The following CCDC181 variants were observed in gnomAD, a reference collection of about 807,000 sequenced individuals.
CCDC181 encodes coiled-coil domain-containing protein 181.
CCDC181 carries 35 observed loss-of-function variants against 58.7 expected under a neutral mutation model. The ratio of observed to expected loss-of-function variants is 0.60; its 90% CI spans 0.46 to 0.79. The LOEUF (loss-of-function observed/expected upper bound fraction) is 0.79, where lower values mean the gene tolerates loss of function less well. Among genes scored for constraint, CCDC181 ranks in the 30% least tolerant of loss-of-function variants. CCDC181 has a pLI of 0.00. For synonymous variants in CCDC181, 183 were observed against 197.5 expected, an observed-to-expected ratio of 0.93 and a Z score of 0.62; for missense variants, 517 against 583.9, an observed-to-expected ratio of 0.89 and a Z score of 1.18.
At chr1:169,396,738 C>T (rs982570167) in intron 5 of CCDC181, among the ~76,000 whole-genome samples, 1 of 152,100 alleles carries the variant, frequency 6.6e-6, no homozygotes, top group Non-Finnish European at 1.5e-5. Flanking sequence ...TAAAAAATAT[C>T]AGGTTTGCCT....
At chr1:169,424,217 G>T (rs1201868669) in intron 2 of CCDC181, among the ~76,000 whole-genome samples, 1 of 151,878 alleles carries the variant, frequency 6.6e-6, no homozygotes, top group Non-Finnish European at 1.5e-5. Context: ...GCAGGAACTG[G>T]TTAATTTTCC....
chr1:169,459,448 T>G (rs958698014), intron 2 of CCDC181, among the ~76,000 whole-genome samples: 2 of 152,202 alleles, frequency 1.3e-5, no homozygotes, highest in Non-Finnish European at 2.9e-5. Context: ...CTGGAATCCC[T>G]TCATCATTAG....
intron 4 of CCDC181, among the ~76,000 whole-genome samples, chr1:169,415,253 T>A (rs1656162150): frequency 6.6e-6 from 1 of 152,248 alleles, no homozygotes; most frequent in Admixed American, 6.5e-5. Context: ...ATCAGCAGTA[T>A]GGCCATAGCT....
Position 169,404,960 on chromosome 1 carries a change from A to G in CCDC181, c.1216-7569T>C, listed in dbSNP as rs376180368. On this transcript the variant is annotated intron_variant, in intron 4 of 5. Transcript: ENST00000367806. ...TAAGCTGATAAGCAACTTCAGCAAA[A>G]TCTCAGGATACAAAATCAATGTACA... Among the ~76,000 whole-genome samples the G allele has an allele frequency of 7.8e-4, 119 of 152,258 alleles. 3 individuals carry two copies. The South Asian group carries it at 0.023, about 29-fold the overall frequency.
At chr1:169,400,946 A>G (rs1410371505) in intron 4 of CCDC181, among the ~76,000 whole-genome samples, 1 of 152,112 alleles carries the variant, frequency 6.6e-6, no homozygotes, top group Non-Finnish European at 1.5e-5. Context: ...GGACACTCCC[A>G]CCCCAATACT....
At chr1:169,434,248 C>T (rs1045512672) in intron 2 of CCDC181, among the ~76,000 whole-genome samples, 1 of 151,878 alleles carries the variant, frequency 6.6e-6, no homozygotes, top group African/African-American at 2.4e-5. Context: ...TATGAGATAC[C>T]ACCCTCATTA....
chr1:169,426,111 A>G (rs931316877), intron 1 of CCDC181, among the ~76,000 whole-genome samples: 2 of 152,174 alleles, frequency 1.3e-5, no homozygotes, highest in African/African-American at 4.8e-5. Flanking sequence ...AGTCACATCA[A>G]ATCTGAAGTG....
intron 2 of CCDC181, among the ~76,000 whole-genome samples, chr1:169,434,173 G>T (rs1472708156): frequency 1.3e-5 from 2 of 151,912 alleles, no homozygotes; most frequent in Admixed American, 6.6e-5. Context: ...TACATGAATT[G>T]CCAGGAAACA....
intron 5 of CCDC181, 52 bp downstream of exon 5, chr1:169,397,185 T>C: frequency 6.8e-7 from 1 of 1,460,050 alleles, no homozygotes; most frequent in Non-Finnish European, 9.1e-7. Flanking sequence ...ATATAACTTT[T>C]AAAATGAACA....
intron 4 of CCDC181, among the ~76,000 whole-genome samples, chr1:169,401,188 G>GGCCT (rs1238274934): frequency 2.0e-5 from 3 of 152,194 alleles, no homozygotes; most frequent in Admixed American, 6.5e-5. Context: ...AGCTCAAGGA[G>GGCCT]GCCTGCCTGC....
chr1:169,448,648 C>T (rs1264878922), intron 2 of CCDC181, among the ~76,000 whole-genome samples: 1 of 150,228 alleles, frequency 6.7e-6, no homozygotes, highest in South Asian at 2.1e-4. Flanking sequence ...GTAGATTTTT[C>T]GTAATTATCC....
intron 4 of CCDC181, among the ~76,000 whole-genome samples, chr1:169,408,550 G>A (rs143349698): frequency 0.015 from 2,240 of 152,328 alleles, 58 homozygotes; most frequent in African/African-American, 0.051. Context: ...GCTCTGCTAA[G>A]GGACAGACTG....
intron 1 of CCDC181, 72 bp from the exon 2 acceptor site, chr1:169,425,022 CTG>C: frequency 1.6e-6 from 1 of 619,454 alleles, no homozygotes; most frequent in South Asian, 2.5e-5. Flanking sequence ...GAGATTAATG[CTG>C]TAGGTAAGCT....
rs367989592 is a variant in CCDC181 at position 169,395,097 on chromosome 1, G to A, written c.1480C>T (p.Leu494=). 19 of 1,613,182 alleles carry A rather than the reference G, an allele frequency of 1.2e-5. No homozygotes were observed. The African/African-American group carries it at 2.5e-4, about 22-fold the overall frequency. The part of the protein sequence containing the change: ...AKRSKQLQHH[L]YMSEAKPFRF... Reference sequence around the variant, plus strand: ...AAAGGTTTGGCTTCTGACATATATAGGTGGTGCTGTAACTGTTTAGAACGC... The same window carrying A: ...AAAGGTTTGGCTTCTGACATATATAAGTGGTGCTGTAACTGTTTAGAACGC... Residue 494 remains leucine, a synonymous_variant, in exon 6 of 6, where the codon CTA becomes TTA. Coordinates refer to ENST00000367806, the MANE Select transcript of CCDC181 (RefSeq NM_001300969.2).
intron 2 of CCDC181, among the ~76,000 whole-genome samples, chr1:169,453,622 C>G (rs934582206): frequency 6.6e-6 from 1 of 151,974 alleles, no homozygotes; most frequent in Non-Finnish European, 1.5e-5. Flanking sequence ...GGAAATATTG[C>G]CCCCAAGTTC....
At chr1:169,456,389 A>G (rs1657676648) in intron 2 of CCDC181, among the ~76,000 whole-genome samples, 1 of 151,416 alleles carries the variant, frequency 6.6e-6, no homozygotes, top group African/African-American at 2.4e-5. Context: ...CTTCATGTAT[A>G]GTATTTTAAA....
exon 1 of CCDC181, chr1:169,460,666 C>G (rs1376418912): frequency 1.3e-5 from 2 of 152,422 alleles, no homozygotes; most frequent in African/African-American, 4.8e-5. Flanking sequence ...ACAAATTGGA[C>G]CCCAAGACAC....
At chr1:169,427,815 G>C (rs903748398), upstream of CCDC181, among the ~76,000 whole-genome samples, 1 of 152,178 alleles carries the variant, frequency 6.6e-6, no homozygotes, top group African/African-American at 2.4e-5. Flanking sequence ...TTGACCCTCA[G>C]CTTCTTTTTT....
chr1:169,430,123 G>T (rs1188393525), upstream of CCDC181, among the ~76,000 whole-genome samples: 20 of 152,016 alleles, frequency 1.3e-4, no homozygotes, highest in Admixed American at 1.3e-3. Flanking sequence ...TCATTTCTTG[G>T]TTCTCTATTC....
Sources: gnomAD v4.1 joint callset for allele counts (sites outside exome capture counted in the v4.1 genomes callset) on GRCh38, gnomAD v4.1.1 for gene constraint, MANE v1.5 for transcripts, NCBI Gene and HGNC (gene_info 2026-07-23, HGNC 2026-07-21) for gene names.